LUC7L2: variants seen among roughly 807,000 people sequenced by gnomAD.
The protein encoded by LUC7L2 is LUC7 like 2, pre-mRNA splicing factor.
LUC7L2 carries 25 observed loss-of-function variants against 52.8 expected under a neutral mutation model. That is an observed-to-expected ratio of 0.47 (90% CI 0.34 to 0.66). The LOEUF is 0.66. LUC7L2 is among the 30% of genes least tolerant of loss of function. The pLI is 0.01. For missense variants in LUC7L2, 328 were observed against 497.8 expected (o/e 0.66, Z 3.25); for synonymous variants, 144 against 160.9 (o/e 0.89, Z 0.80).
chr7:139,377,825 C>CT (rs11346680), intron 2 of LUC7L2, among the ~76,000 whole-genome samples: 2,683 of 98,270 alleles, frequency 0.027, 84 homozygotes, highest in African/African-American at 0.044. Context: ...CCGCGCCTGG[C>CT]TTTTTTTTTT....
chr7:139,398,498 T>C (rs981799735), intron 2 of LUC7L2, 101 bp from the exon 3 acceptor site: 5 of 847,140 alleles, frequency 5.9e-6, no homozygotes, highest in Non-Finnish European at 1.7e-6. Flanking sequence ...TAAAAAAGCA[T>C]CTGTATGACT....
At chr7:139,411,941 A>G (rs1264958377) in intron 7 of LUC7L2, among the ~76,000 whole-genome samples, 1 of 152,216 alleles carries the variant, frequency 6.6e-6, no homozygotes, top group Non-Finnish European at 1.5e-5. Context: ...TGTGATATGT[A>G]GGTTGAGCAT....
chr7:139,393,037 C>T (rs35209997), intron 2 of LUC7L2, among the ~76,000 whole-genome samples: 58,365 of 151,672 alleles, frequency 0.38, 15,703 homozygotes, highest in African/African-American at 0.77. Flanking sequence ...GAGGCCGAGG[C>T]GGTTGAATTA....
intron 1 of LUC7L2, chr7:139,374,501 T>C: frequency 7.1e-6 from 11 of 1,550,048 alleles, no homozygotes; most frequent in African/African-American, 1.4e-5. Flanking sequence ...TCAGATGTGT[T>C]AATGAATGTG....
At chr7:139,415,321 T>C (rs1795546364) in intron 8 of LUC7L2, among the ~76,000 whole-genome samples, 1 of 151,948 alleles carries the variant, frequency 6.6e-6, no homozygotes, top group South Asian at 2.1e-4. Context: ...GCAGGAACTT[T>C]GTTTTACTTG....
chr7:139,395,754 C>T (rs1464657203), intron 2 of LUC7L2, among the ~76,000 whole-genome samples: 1 of 152,190 alleles, frequency 6.6e-6, no homozygotes, highest in African/African-American at 2.4e-5. Flanking sequence ...GATCCCCCTG[C>T]CTCTGTCTCC....
intron 6 of LUC7L2, 136 bp downstream of exon 6, chr7:139,407,486 G>A: frequency 9.5e-7 from 1 of 1,054,216 alleles, no homozygotes; most frequent in Non-Finnish European, 1.2e-6. Flanking sequence ...TAGGATTATA[G>A]ATGGAAATTC....
intron 5 of LUC7L2, among the ~76,000 whole-genome samples, chr7:139,406,160 T>C (rs1795103676): frequency 6.6e-6 from 1 of 152,126 alleles, no homozygotes; most frequent in Non-Finnish European, 1.5e-5. Flanking sequence ...CAAGCGATTC[T>C]CCTGCCTCAG....
intron 2 of LUC7L2, among the ~76,000 whole-genome samples, chr7:139,397,498 C>T (rs1392575166): frequency 6.6e-6 from 1 of 152,170 alleles, no homozygotes; most frequent in Non-Finnish European, 1.5e-5. Flanking sequence ...GTAGTGCTTA[C>T]CACAAGTGGG....
In LUC7L2 at chr7:139,407,363, A is replaced by G. The variant is rs1795172997; in HGVS notation, c.687+13A>G. 6.3e-7 allele frequency: 1 copy of G among 1,598,680 alleles called. No individual in the cohort carries two copies. Among genetic ancestry groups the G allele is most frequent in the Admixed American group, 1.7e-5 (1 of 57,760 alleles). ...TGAAGAATTAAAGGTACATTGGTAA[A>G]ATATTCCTCACTTTATCCTCTTGTT... On this transcript the variant is annotated intron_variant, in intron 6 of 9. Transcript: ENST00000354926.
chr7:139,422,240 G>T lies in LUC7L2; in HGVS notation c.1079G>T (p.Arg360Leu). The T allele has an allele frequency of 6.2e-7, 1 of 1,614,200 alleles. No homozygotes were observed. Among genetic ancestry groups the T allele is most frequent in the Non-Finnish European group, 8.5e-7 (1 of 1,180,034 alleles). Residue 360 changes from arginine (R) to leucine (L), a missense_variant, in exon 10 of 10, where the codon CGT (arginine) becomes CTT (leucine). Physicochemically the swap from Arg to Leu is moderately radical, Grantham distance 102. Transcript: ENST00000354926. ...RDRSSRDRSP[R>L]DRDRKDKKRS... is the part of the protein sequence containing the mutation. The stretch of plus-strand genomic sequence containing the variant: ...AGGAGTTCAAGAGACAGATCACCTC[G>T]TGACAGAGATCGGAAAGATAAGAAG...
intron 1 of LUC7L2, among the ~76,000 whole-genome samples, chr7:139,353,746 T>A (rs1799526245): frequency 6.6e-6 from 1 of 151,746 alleles, no homozygotes; most frequent in African/African-American, 2.4e-5. Context: ...TGAGCCTAGA[T>A]TGCGCCACTG....
chr7:139,371,521 G>C (rs1800449319), intron 1 of LUC7L2: 2 of 918,132 alleles, frequency 2.2e-6, no homozygotes, highest in South Asian at 1.4e-5. Flanking sequence ...AGTTGATTTG[G>C]TTTCTTGTTT....
In LUC7L2 at chr7:139,415,070, T is replaced by TG. The variant is rs1569395497; in HGVS notation, c.810-2468_810-2467insG. Among the ~76,000 whole-genome samples the TG allele has an allele frequency of 3.9e-4, 56 of 142,770 alleles. 1 individual carries two copies. The highest frequency in any genetic ancestry group is 1.4e-3 in the African/African-American group (53 of 38,496). The allele number at this position is 142,770 out of a possible 152,430, so 93.7% of individuals were successfully genotyped here. The stretch of plus-strand genomic sequence containing the variant: ...CCCTGCTAAGTTTTTTTTTTTTTTT[T>TG]TTTTTTTTTTTTTGTATTTTTAGTA... On this transcript the variant is annotated intron_variant, in intron 8 of 9. Coordinates refer to ENST00000354926, the MANE Select transcript of LUC7L2 (RefSeq NM_016019.5).
At chr7:139,392,401 T>A in intron 2 of LUC7L2, 1 of 383,604 alleles carries the variant, frequency 2.6e-6, no homozygotes, top group South Asian at 1.9e-5. Context: ...AGTTAAAAAT[T>A]CTTGACGATT....
chr7:139,356,616 A>T (rs955001435), upstream of LUC7L2, among the ~76,000 whole-genome samples: 12 of 60,120 alleles, frequency 2.0e-4, no homozygotes, highest in African/African-American at 1.3e-3. Flanking sequence ...AACCTGCGTT[A>T]AAAAAAAAAA....
intron 1 of LUC7L2, chr7:139,375,326 A>AC (rs1261298199): frequency 2.3e-5 from 23 of 985,258 alleles, no homozygotes; most frequent in Non-Finnish European, 2.7e-5. Context: ...ATTTAAATAT[A>AC]CCCAGTTTGG....
intron 1 of LUC7L2, among the ~76,000 whole-genome samples, chr7:139,368,473 T>C (rs914157666): frequency 2.0e-5 from 3 of 152,230 alleles, no homozygotes; most frequent in African/African-American, 7.2e-5. Flanking sequence ...GCACTGTGGC[T>C]CACGCCTGTA....
At chr7:139,412,698 C>G (rs1795414030) in intron 8 of LUC7L2, 118 bp downstream of exon 8, 1 of 1,220,694 alleles carries the variant, frequency 8.2e-7, no homozygotes, top group Non-Finnish European at 1.1e-6. Context: ...CACGGTGATG[C>G]ATGCTTGTAA....
Sources: gnomAD v4.1 joint callset for allele counts (sites outside exome capture counted in the v4.1 genomes callset) on GRCh38, gnomAD v4.1.1 for gene constraint, MANE v1.5 for transcripts, NCBI Gene and HGNC (gene_info 2026-07-23, HGNC 2026-07-21) for gene names.